Variants in DNAAF6 observed in about 807,000 individuals in gnomAD.
DNAAF6 encodes the protein PIH1 domain containing 3.
DNAAF6 carries 3 observed loss-of-function variants against 13.7 expected under a neutral mutation model. That is an observed-to-expected ratio of 0.22 (90% confidence interval 0.10 to 0.56). The LOEUF (loss-of-function observed/expected upper bound fraction) is 0.56, where lower values mean the gene tolerates loss of function less well. Among genes scored for constraint, DNAAF6 ranks in the 20% least tolerant of loss-of-function variants. The probability of loss-of-function intolerance (pLI) is 0.92; values close to 1 mark genes in which losing one functional copy is unlikely to be tolerated. For synonymous variants in DNAAF6, 54 were observed against 49.2 expected (o/e 1.10, Z -0.41); for missense variants, 130 against 151.0 (o/e 0.86, Z 0.73).
At chrX:107,219,406 AC>A (rs1273673773) in intron 4 of DNAAF6, among the ~76,000 whole-genome samples, 2 of 111,630 alleles carry the variant, frequency 1.8e-5, no homozygotes, top group Non-Finnish European at 3.8e-5. Context: ...ATCAATTATT[AC>A]CCAGACTTGT....
chrX:107,221,910 CATA>C (rs35475398), intron 4 of DNAAF6, among the ~76,000 whole-genome samples: 26,074 of 98,227 alleles, frequency 0.27, 3,231 homozygotes, highest in East Asian at 0.48. Flanking sequence ...TAGCATTAAG[CATA>C]ATAATAATAA....
At chrX:107,226,287 A>G (rs770241121) in intron 5 of DNAAF6, among the ~76,000 whole-genome samples, 1 of 111,913 alleles carries the variant, frequency 8.9e-6, no homozygotes, top group East Asian at 2.8e-4. Flanking sequence ...GGAAGGCCCT[A>G]GCTTATTTCA....
chrX:107,212,240 C>T (rs1927872950), intron 1 of DNAAF6, among the ~76,000 whole-genome samples: 1 of 111,089 alleles, frequency 9.0e-6, no homozygotes, highest in Non-Finnish European at 1.9e-5. Context: ...ATAACCTCCA[C>T]TGTGGGTACC....
At chrX:107,227,843 A>T (rs1037786829) in intron 5 of DNAAF6, among the ~76,000 whole-genome samples, 7 of 111,245 alleles carry the variant, frequency 6.3e-5, no homozygotes, top group African/African-American at 2.3e-4. Flanking sequence ...TGATGATAAA[A>T]GTCCATCATA....
chrX:107,226,196 C>T (rs1404544011), intron 5 of DNAAF6, among the ~76,000 whole-genome samples: 1 of 111,988 alleles, frequency 8.9e-6, no homozygotes, highest in Non-Finnish European at 1.9e-5. Flanking sequence ...TACTCATATA[C>T]ATTAATGGAA....
chrX:107,214,646 T>C (rs777460374), intron 2 of DNAAF6, among the ~76,000 whole-genome samples: 23 of 112,063 alleles, frequency 2.1e-4, no homozygotes, highest in Admixed American at 1.8e-3. Context: ...AGATAATTGG[T>C]CATTCAGACA....
At chrX:107,240,837 T>G (rs1051751444) in intron 6 of DNAAF6, among the ~76,000 whole-genome samples, 2 of 111,597 alleles carry the variant, frequency 1.8e-5, no homozygotes, top group Non-Finnish European at 3.8e-5. Context: ...ATTTCATAAA[T>G]GAATACCTTG....
intron 5 of DNAAF6, among the ~76,000 whole-genome samples, chrX:107,235,228 T>C (rs191060741): frequency 9.0e-6 from 1 of 111,398 alleles, no homozygotes; most frequent in East Asian, 2.8e-4. Flanking sequence ...AATTATGGGC[T>C]TTTTTCCTGT....
intron 6 of DNAAF6, among the ~76,000 whole-genome samples, chrX:107,239,470 T>C (rs1237491776): frequency 4.5e-5 from 5 of 111,939 alleles, no homozygotes; most frequent in Admixed American, 3.8e-4. Context: ...CCTCACTGCT[T>C]TGTGCACATC....
At chrX:107,217,243 C>A (rs1928015197) in intron 3 of DNAAF6, among the ~76,000 whole-genome samples, 1 of 111,633 alleles carries the variant, frequency 9.0e-6, no homozygotes, top group African/African-American at 3.2e-5. Context: ...CCAAGAAAGT[C>A]ACGTGTGGTT....
chrX:107,208,507 T>G (rs1481437285), intron 1 of DNAAF6, among the ~76,000 whole-genome samples: 1 of 109,545 alleles, frequency 9.1e-6, no homozygotes, highest in Non-Finnish European at 1.9e-5. Flanking sequence ...AATAAATGAC[T>G]AAAACAGAGG....
intron 5 of DNAAF6, among the ~76,000 whole-genome samples, chrX:107,231,818 C>A (rs1284487713): frequency 9.0e-6 from 1 of 111,307 alleles, no homozygotes; most frequent in African/African-American, 3.3e-5. Context: ...GGGCAAAAAA[C>A]CAGTAGGTCA....
At chrX:107,211,580 A>C (rs1254186449) in intron 1 of DNAAF6, among the ~76,000 whole-genome samples, 3 of 112,331 alleles carry the variant, frequency 2.7e-5, no homozygotes, top group Non-Finnish European at 5.6e-5. Context: ...ATAATTTAAC[A>C]AAAACAAGTG....
intron 5 of DNAAF6, among the ~76,000 whole-genome samples, chrX:107,223,394 C>T (rs778466874): frequency 6.3e-5 from 7 of 111,505 alleles, no homozygotes; most frequent in Admixed American, 4.8e-4. Flanking sequence ...ATGACGCTAC[C>T]GAATGTTGGA....
intron 1 of DNAAF6, among the ~76,000 whole-genome samples, chrX:107,209,189 T>C (rs766229338): frequency 1.8e-5 from 2 of 111,672 alleles, no homozygotes; most frequent in South Asian, 7.5e-4. Context: ...ATATCACTGT[T>C]GTGTTCTCAA....
chrX:107,211,877 T>A (rs1927864797), intron 1 of DNAAF6, among the ~76,000 whole-genome samples: 1 of 111,914 alleles, frequency 8.9e-6, no homozygotes, highest in African/African-American at 3.2e-5. Flanking sequence ...ATTTTCTTGG[T>A]GATACATATG....
chrX:107,216,389 C>G (rs930358403), intron 2 of DNAAF6, among the ~76,000 whole-genome samples: 6 of 111,759 alleles, frequency 5.4e-5, no homozygotes, highest in Non-Finnish European at 1.1e-4. Flanking sequence ...CCTCTATCCC[C>G]AGGGATACAT....
intron 5 of DNAAF6, among the ~76,000 whole-genome samples, chrX:107,227,615 G>A (rs989882961): frequency 1.8e-5 from 2 of 110,166 alleles, no homozygotes; most frequent in Non-Finnish European, 3.8e-5. Context: ...AGGCAGCACA[G>A]TAAACCTTCA....
In DNAAF6 at chrX:107,221,951, A is replaced by T. The variant is rs187433637; in HGVS notation, c.333-794A>T. ...ATAATAATAATAATAATAATTTGTA[A>T]ATATTTGTTTCATTCTATCTGAAGA... is the stretch of plus-strand genomic sequence containing the variant. On this transcript the variant is annotated intron_variant, in intron 4 of 6. Transcript: ENST00000372453. Among the ~76,000 whole-genome samples the T allele has an allele frequency of 6.9e-3, 723 of 105,425 alleles. 6 individuals carry two copies. Among genetic ancestry groups the T allele is most frequent in the African/African-American group, 0.024 (678 of 28,283 alleles). The allele number at this position is 105,425 out of a possible 115,157, so 91.5% of individuals were successfully genotyped here.
Sources: gnomAD v4.1 joint callset for allele counts (sites outside exome capture counted in the v4.1 genomes callset) on GRCh38, gnomAD v4.1.1 for gene constraint, MANE v1.5 for transcripts, NCBI Gene and HGNC (gene_info 2026-07-23, HGNC 2026-07-21) for gene names.